The following STAG1 variants were observed in gnomAD, a reference collection of about 807,000 sequenced individuals.
STAG1 encodes the protein cohesin subunit SA-1.
Under a neutral mutation model 170.9 loss-of-function variants are expected in STAG1, and 26 were observed. That is an observed-to-expected ratio of 0.15 (90% confidence interval 0.11 to 0.21). The LOEUF (loss-of-function observed/expected upper bound fraction) is 0.21, where lower values mean the gene tolerates loss of function less well. Among genes scored for constraint, STAG1 ranks in the 10% least tolerant of loss-of-function variants. STAG1 has a pLI of 1.00. For missense variants in STAG1, 964 were observed against 1,509.5 expected, an observed-to-expected ratio of 0.64 and a Z score of 5.99; for synonymous variants, 514 against 497.7, an observed-to-expected ratio of 1.03 and a Z score of -0.44.
chr3:136,679,001 A>AG (rs1297875352), intron 1 of STAG1, among the ~76,000 whole-genome samples: 1 of 151,738 alleles, frequency 6.6e-6, no homozygotes, highest in Non-Finnish European at 1.5e-5. Context: ...CTTCACAAAA[A>AG]AAAAAAAAAA....
intron 1 of STAG1, among the ~76,000 whole-genome samples, chr3:136,672,175 A>T (rs1941998005): frequency 6.6e-6 from 1 of 152,224 alleles, no homozygotes; most frequent in Non-Finnish European, 1.5e-5. Context: ...GCATCTGACT[A>T]CAAGAACAGA....
chr3:136,494,521 C>G (rs1429121882), intron 9 of STAG1, among the ~76,000 whole-genome samples: 1 of 152,092 alleles, frequency 6.6e-6, no homozygotes, highest in Admixed American at 6.5e-5. Flanking sequence ...AGTAAATGCA[C>G]AAATCCTTAA....
intron 13 of STAG1, 115 bp from the exon 14 acceptor site, chr3:136,452,262 G>A: frequency 4.4e-6 from 3 of 681,272 alleles, no homozygotes; most frequent in Admixed American, 2.3e-5. Flanking sequence ...GGGGAGCAGG[G>A]AGAACGAGCA....
chr3:136,552,530 A>G (rs977612243), intron 5 of STAG1, among the ~76,000 whole-genome samples: 11 of 152,210 alleles, frequency 7.2e-5, no homozygotes, highest in Non-Finnish European at 1.5e-5. Flanking sequence ...AATTCAATAT[A>G]TAGAAGCAAT....
intron 4 of STAG1, among the ~76,000 whole-genome samples, chr3:136,599,844 A>G (rs557928855): frequency 1.3e-5 from 2 of 152,324 alleles, no homozygotes; most frequent in East Asian, 3.9e-4. Context: ...ATTTTGTATA[A>G]GACAGAATTT....
intron 1 of STAG1, chr3:136,736,486 C>G (rs570044245): frequency 1.3e-5 from 17 of 1,343,276 alleles, no homozygotes; most frequent in Non-Finnish European, 1.8e-5. Context: ...CCTGTGACCC[C>G]GGGTGGTCAT....
intron 23 of STAG1, among the ~76,000 whole-genome samples, chr3:136,369,838 G>A (rs972470874): frequency 6.6e-6 from 1 of 152,118 alleles, no homozygotes; most frequent in African/African-American, 2.4e-5. Context: ...GATCCCATAA[G>A]CTTGTAATGG....
At chr3:136,411,114 A>T (rs1286398617) in intron 21 of STAG1, among the ~76,000 whole-genome samples, 1 of 152,204 alleles carries the variant, frequency 6.6e-6, no homozygotes, top group Admixed American at 6.6e-5. Context: ...TGAGAGGCCC[A>T]AAGTTAGTGA....
chr3:136,384,467 A>G (rs1485126273), intron 22 of STAG1, among the ~76,000 whole-genome samples: 4 of 151,124 alleles, frequency 2.6e-5, no homozygotes, highest in Non-Finnish European at 4.4e-5. Flanking sequence ...AGAAGAAAAA[A>G]AAAAAAAAAA....
chr3:136,359,087 G>C, intron 27 of STAG1, 61 bp downstream of exon 27: 1 of 1,388,292 alleles, frequency 7.2e-7, no homozygotes. Flanking sequence ...TCATATAAGA[G>C]TTATTTCATT....
At chr3:136,379,354 T>G (rs1316696251) in intron 22 of STAG1, among the ~76,000 whole-genome samples, 1 of 152,120 alleles carries the variant, frequency 6.6e-6, no homozygotes, top group Non-Finnish European at 1.5e-5. Flanking sequence ...AGCTGAGTCC[T>G]GAAGGAGAAA....
chr3:136,590,185 G>A (rs984455269), intron 4 of STAG1, among the ~76,000 whole-genome samples: 1 of 151,386 alleles, frequency 6.6e-6, no homozygotes, highest in African/African-American at 2.4e-5. Context: ...AACACTTCAT[G>A]ACTAAAAACT....
intron 22 of STAG1, among the ~76,000 whole-genome samples, chr3:136,387,743 T>TC (rs781403876): frequency 2.6e-5 from 4 of 152,158 alleles, no homozygotes; most frequent in Non-Finnish European, 4.4e-5. Context: ...GCGATCTGAA[T>TC]CCCCACCTGC....
chr3:136,686,070 G>A (rs1413369676), intron 1 of STAG1, among the ~76,000 whole-genome samples: 1 of 152,156 alleles, frequency 6.6e-6, no homozygotes, highest in Non-Finnish European at 1.5e-5. Context: ...GAGTAAGGCA[G>A]GTGGTTTTAG....
intron 1 of STAG1, among the ~76,000 whole-genome samples, chr3:136,687,411 A>C (rs559883930): frequency 9.9e-5 from 15 of 152,124 alleles, no homozygotes; most frequent in Non-Finnish European, 1.9e-4. Context: ...TTATATTACC[A>C]TATTTTTCTT....
At position 136,452,163 on chromosome 3, in the gene STAG1, A is replaced by C. The variant is rs928369383; in HGVS notation, c.1314-16T>G. 6.5e-7 allele frequency: 1 copy of C among 1,535,958 alleles called. No individual in the cohort carries two copies. ...GCTAAATAGCCTGGAAATGAAAAAC[A>C]GGGCATTGCAAAGTTACATGAATAT... is the stretch of plus-strand genomic sequence containing the variant. On this transcript the variant is annotated splice_polypyrimidine_tract_variant and intron_variant, in intron 13 of 33. Transcript: ENST00000383202.
At position 136,667,732 on chromosome 3, in the gene STAG1, G is replaced by C. The variant is rs148844971; in HGVS notation, c.-83-36751C>G. Among the ~76,000 whole-genome samples, 1,000 of 152,290 alleles carry C rather than the reference G, an allele frequency of 6.6e-3. 8 individuals carry two copies. The highest frequency in any genetic ancestry group is 0.014 in the Middle Eastern group (4 of 294). ...GGTGGTCTCAAACTCCTGATCTCAA[G>C]TGATCTGCCCGCCTTGGCCTCCTGA... On this transcript the variant is annotated intron_variant, in intron 1 of 33. Transcript: ENST00000383202.
intron 1 of STAG1, among the ~76,000 whole-genome samples, chr3:136,727,798 C>G (rs1032828048): frequency 1.3e-5 from 2 of 152,080 alleles, no homozygotes; most frequent in African/African-American, 2.4e-5. Context: ...AATTTTAGAA[C>G]CTAACTTTAA....
chr3:136,557,737 C>A (rs1328685846), intron 5 of STAG1, among the ~76,000 whole-genome samples: 1 of 152,056 alleles, frequency 6.6e-6, no homozygotes, highest in Non-Finnish European at 1.5e-5. Context: ...CAGTGTTTCA[C>A]CATGTTGGCC....
Sources: gnomAD v4.1 joint callset for allele counts (sites outside exome capture counted in the v4.1 genomes callset) on GRCh38, gnomAD v4.1.1 for gene constraint, MANE v1.5 for transcripts, NCBI Gene and HGNC (gene_info 2026-07-23, HGNC 2026-07-21) for gene names.